SGCZ: variants seen among roughly 807,000 people sequenced by gnomAD.
SGCZ encodes zeta-sarcoglycan.
Under a neutral mutation model 41.3 loss-of-function variants are expected in SGCZ, and 40 were observed. The observed-to-expected ratio is 0.97, with a 90% CI of 0.75 to 1.26. The LOEUF is 1.26. Among genes scored for constraint, SGCZ ranks in the 50% most tolerant of loss-of-function variants. The probability of loss-of-function intolerance (pLI) is 0.00; values close to 1 mark genes in which losing one functional copy is unlikely to be tolerated. For missense variants in SGCZ, 552 were observed against 369.8 expected, an observed-to-expected ratio of 1.49 and a Z score of -4.04; for synonymous variants, 206 against 137.5, an observed-to-expected ratio of 1.50 and a Z score of -3.49.
At chr8:14,469,733 G>C (rs1051397385) in intron 2 of SGCZ, among the ~76,000 whole-genome samples, 1 of 151,836 alleles carries the variant, frequency 6.6e-6, no homozygotes, top group Non-Finnish European at 1.5e-5. Context: ...TTAAGTTAAC[G>C]GCCAATGGCT....
At chr8:14,831,622 A>T (rs1252524281) in intron 1 of SGCZ, among the ~76,000 whole-genome samples, 1 of 141,898 alleles carries the variant, frequency 7.0e-6, no homozygotes, top group South Asian at 2.2e-4. Context: ...GTGTGTACAC[A>T]TAGACACATA....
intron 2 of SGCZ, among the ~76,000 whole-genome samples, chr8:14,482,380 G>T (rs5023504): frequency 0.73 from 111,530 of 152,076 alleles, 41,814 homozygotes; most frequent in East Asian, 0.95. Context: ...AGCTTTGGGA[G>T]TCAGAGTTAT....
rs1801547701 is a variant in SGCZ, at chr8:14,087,280, T to C, written c.*3163A>G. Among the ~76,000 whole-genome samples, 1 of 143,536 alleles carries C rather than the reference T, an allele frequency of 7.0e-6. No homozygotes were observed. The highest frequency in any genetic ancestry group is 7.2e-5 in the Admixed American group (1 of 13,840). The allele number at this position is 143,536 out of a possible 152,430, so 94.2% of individuals were successfully genotyped here. On this transcript the variant is annotated 3_prime_UTR_variant, in exon 8 of 8. Coordinates refer to ENST00000382080, the MANE Select transcript of SGCZ (RefSeq NM_139167.4). ...AATGTTGAACAAGGGAAGTAGGAAA[T>C]TTGGAAGTTTTTGTTGTTCTTGCTG...
chr8:14,562,082 G>T (rs1166703908), intron 1 of SGCZ, among the ~76,000 whole-genome samples: 1 of 152,006 alleles, frequency 6.6e-6, no homozygotes, highest in Non-Finnish European at 1.5e-5. Context: ...TGATCTGGAT[G>T]GTATGGGAGA....
intron 1 of SGCZ, among the ~76,000 whole-genome samples, chr8:14,723,670 C>CTATA (rs376981857): frequency 0.054 from 8,082 of 150,844 alleles, 717 homozygotes; most frequent in African/African-American, 0.19. Flanking sequence ...ATATATTTAT[C>CTATA]TATATATATA....
chr8:14,137,387 A>C (rs932455445), intron 5 of SGCZ, among the ~76,000 whole-genome samples: 1 of 152,208 alleles, frequency 6.6e-6, no homozygotes. Context: ...CCTCCGAGCT[A>C]AAGGAGGATG....
intron 5 of SGCZ, among the ~76,000 whole-genome samples, chr8:14,116,695 C>T (rs143967989): frequency 8.7e-4 from 132 of 152,178 alleles, no homozygotes; most frequent in Non-Finnish European, 3.8e-4. Context: ...TATTTTATCA[C>T]TTGCCATGTA....
At chr8:14,977,126 C>T (rs1048716920) in intron 1 of SGCZ, among the ~76,000 whole-genome samples, 1 of 152,150 alleles carries the variant, frequency 6.6e-6, no homozygotes, top group Admixed American at 6.5e-5. Context: ...CCAAAGGATA[C>T]AGTTTCCCTG....
intron 2 of SGCZ, among the ~76,000 whole-genome samples, chr8:14,540,013 G>A (rs941141072): frequency 9.9e-5 from 15 of 151,814 alleles, no homozygotes; most frequent in Non-Finnish European, 4.4e-5. Flanking sequence ...TAAGAAGCCT[G>A]ACAAGGAAAA....
chr8:15,081,367 T>C (rs78040405), intron 1 of SGCZ, among the ~76,000 whole-genome samples: 3,959 of 152,328 alleles, frequency 0.026, 166 homozygotes, highest in African/African-American at 0.09. Context: ...CTCAATTTTT[T>C]AAATGTTTTA....
intron 1 of SGCZ, among the ~76,000 whole-genome samples, chr8:14,748,909 G>C (rs1799415491): frequency 6.6e-6 from 1 of 152,006 alleles, no homozygotes; most frequent in Non-Finnish European, 1.5e-5. Context: ...TGGTTTAATG[G>C]AGACTAAGGT....
chr8:14,789,846 C>T (rs370269595), intron 1 of SGCZ, among the ~76,000 whole-genome samples: 74 of 152,196 alleles, frequency 4.9e-4, no homozygotes, highest in Admixed American at 1.6e-3. Flanking sequence ...TAAAATTTTA[C>T]ATTTACTTCC....
intron 1 of SGCZ, among the ~76,000 whole-genome samples, chr8:15,163,352 C>T (rs911112156): frequency 6.6e-6 from 1 of 152,182 alleles, no homozygotes; most frequent in African/African-American, 2.4e-5. Context: ...AGTAGGAGAT[C>T]CAAGGTTCAG....
At chr8:14,577,384 C>CTTTTTT (rs57432939) in intron 1 of SGCZ, among the ~76,000 whole-genome samples, 1 of 111,888 alleles carries the variant, frequency 8.9e-6, no homozygotes, top group Non-Finnish European at 1.8e-5. Flanking sequence ...AGAAATATAT[C>CTTTTTT]TTTTTTTTTT....
chr8:15,062,150 A>G (rs1304285759), intron 1 of SGCZ, among the ~76,000 whole-genome samples: 1 of 152,120 alleles, frequency 6.6e-6, no homozygotes, highest in Non-Finnish European at 1.5e-5. Context: ...ATATGTGATC[A>G]TTTCACCCCT....
chr8:14,619,194 T>C (rs956225122), intron 1 of SGCZ, among the ~76,000 whole-genome samples: 4 of 151,700 alleles, frequency 2.6e-5, no homozygotes, highest in Admixed American at 6.6e-5. Flanking sequence ...AAAAAGCACA[T>C]GATTATCTCA....
intron 2 of SGCZ, among the ~76,000 whole-genome samples, chr8:14,505,971 T>C (rs1802293141): frequency 6.6e-6 from 1 of 152,170 alleles, no homozygotes; most frequent in African/African-American, 2.4e-5. Flanking sequence ...TATGTGATGC[T>C]ATGTCCTTCC....
chr8:15,053,670 G>C (rs540409286), intron 1 of SGCZ, among the ~76,000 whole-genome samples: 1 of 152,006 alleles, frequency 6.6e-6, no homozygotes, highest in East Asian at 1.9e-4. Context: ...TTCTTTATTT[G>C]GGGGGGTTGG....
At chr8:14,410,736 C>A (rs953867958) in intron 2 of SGCZ, among the ~76,000 whole-genome samples, 5 of 152,026 alleles carry the variant, frequency 3.3e-5, no homozygotes, top group African/African-American at 4.8e-5. Context: ...TGTAATAAAC[C>A]TGCACGTTTT....
Sources: allele counts gnomAD v4.1 joint callset (sites outside exome capture counted in the v4.1 genomes callset), GRCh38; gene constraint gnomAD v4.1.1; transcripts MANE v1.5; gene names NCBI Gene and HGNC (gene_info 2026-07-23, HGNC 2026-07-21).